Variants in ADGRL3 observed in about 807,000 individuals in gnomAD.
ADGRL3 encodes the protein adhesion G protein-coupled receptor L3.
A neutral mutation model predicts 153.5 loss-of-function variants in ADGRL3; 62 were observed. The observed-to-expected ratio is 0.40, with a 90% confidence interval of 0.33 to 0.50. ADGRL3 has a LOEUF of 0.50. Ranked by LOEUF, ADGRL3 falls within the 20% of genes least tolerant of loss-of-function variation. ADGRL3 has a pLI of 0.47. For synonymous variants in ADGRL3, 710 were observed against 672.5 expected (o/e 1.06, Z -0.86); for missense variants, 1,641 against 1,859.4 (o/e 0.88, Z 2.16).
At position 61,308,850 on chromosome 4, in the gene ADGRL3, A is replaced by C. The variant is rs370175026; in HGVS notation, c.-239-74274A>C. ...TGAAGTTAAAGAAAGAAGAAAGTGCACAATCAGCTTGACTGAACTAGTGAT... is the reference window on the plus strand; with the variant it reads ...TGAAGTTAAAGAAAGAAGAAAGTGCCCAATCAGCTTGACTGAACTAGTGAT... On this transcript the variant is annotated intron_variant, in intron 1 of 26. Coordinates refer to ENST00000683033, the MANE Select transcript of ADGRL3 (RefSeq NM_001387552.1). Among the ~76,000 whole-genome samples, 7 of 152,344 alleles carry C rather than the reference A, an allele frequency of 4.6e-5. No homozygotes were observed. The East Asian group carries it at 1.4e-3, about 29-fold the overall frequency.
Position 61,730,649 on chromosome 4 carries a change from C to A in ADGRL3, c.598+13C>A. Reference sequence around the variant, plus strand: ...GTGGAACAAAAAGGTAATTAAATACCTTTCATAAATTATATACTATTTATA... The same window carrying A: ...GTGGAACAAAAAGGTAATTAAATACATTTCATAAATTATATACTATTTATA... On this transcript the variant is annotated intron_variant, in intron 7 of 26. Coordinates refer to ENST00000683033, the MANE Select transcript of ADGRL3 (RefSeq NM_001387552.1). 1.8e-6 allele frequency: 1 copy of A among 559,322 alleles called. No homozygotes were observed. The highest frequency in any genetic ancestry group is 3.5e-5 in the South Asian group (1 of 28,720). The allele number at this position is 559,322 out of a possible 1,614,324, so 34.6% of individuals were successfully genotyped here. A position where few individuals can be genotyped will look rare whatever the true frequency, so the allele number is the denominator to read the frequency against.
intron 4 of ADGRL3, among the ~76,000 whole-genome samples, chr4:61,574,223 G>A (rs1025981853): frequency 2.6e-5 from 4 of 151,762 alleles, no homozygotes; most frequent in South Asian, 2.1e-4. Flanking sequence ...CACATTTTTC[G>A]TAAAGCAGCC....
At chr4:62,044,266 A>G (rs1330033225) in intron 24 of ADGRL3, among the ~76,000 whole-genome samples, 187 bp from the exon 25 acceptor site, 3 of 152,064 alleles carry the variant, frequency 2.0e-5, no homozygotes, top group Non-Finnish European at 4.4e-5. Flanking sequence ...GTTAATGAGA[A>G]CCATATATTA....
At chr4:61,669,933 C>T (rs1409140543) in intron 5 of ADGRL3, among the ~76,000 whole-genome samples, 4 of 152,158 alleles carry the variant, frequency 2.6e-5, no homozygotes, top group African/African-American at 9.7e-5. Flanking sequence ...CATTCATGAT[C>T]GAAGGGTTTA....
intron 3 of ADGRL3, among the ~76,000 whole-genome samples, chr4:61,503,073 A>G (rs565779661): frequency 1.6e-4 from 24 of 152,306 alleles, no homozygotes; most frequent in Admixed American, 1.3e-4. Context: ...TAAAATAGGT[A>G]TTTTGTAAGC....
chr4:61,252,342 A>C (rs1759618525), intron 1 of ADGRL3, among the ~76,000 whole-genome samples: 1 of 152,348 alleles, frequency 6.6e-6, no homozygotes, highest in South Asian at 2.1e-4. Context: ...TTCTTAACTC[A>C]GTATGTTATT....
At chr4:61,245,277 C>G (rs907128239) in intron 1 of ADGRL3, among the ~76,000 whole-genome samples, 2 of 152,052 alleles carry the variant, frequency 1.3e-5, no homozygotes, top group African/African-American at 4.8e-5. Context: ...AAATCCTTTC[C>G]CCTGTCTCCC....
At chr4:61,981,488 A>G (rs2099068192) in intron 18 of ADGRL3, among the ~76,000 whole-genome samples, 1 of 151,944 alleles carries the variant, frequency 6.6e-6, no homozygotes, top group African/African-American at 2.4e-5. Flanking sequence ...CGTTATTGCA[A>G]CCTACATTTA....
At chr4:61,479,140 G>A (rs901332441) in intron 2 of ADGRL3, among the ~76,000 whole-genome samples, 1 of 151,912 alleles carries the variant, frequency 6.6e-6, no homozygotes, top group Non-Finnish European at 1.5e-5. Flanking sequence ...AAAGTATCAG[G>A]GAGATGCCTC....
chr4:61,601,852 G>T (rs2099013280), intron 5 of ADGRL3, among the ~76,000 whole-genome samples: 1 of 152,032 alleles, frequency 6.6e-6, no homozygotes, highest in Admixed American at 6.5e-5. Flanking sequence ...ATCATTTTAA[G>T]GTCTTTCAAA....
intron 1 of ADGRL3, among the ~76,000 whole-genome samples, chr4:61,215,050 A>G (rs1741999635): frequency 6.6e-6 from 1 of 152,212 alleles, no homozygotes; most frequent in Non-Finnish European, 1.5e-5. Flanking sequence ...ATTTTCCAGT[A>G]ATGCTGGTAC....
At chr4:61,339,930 C>T (rs2095769732) in intron 1 of ADGRL3, among the ~76,000 whole-genome samples, 1 of 152,102 alleles carries the variant, frequency 6.6e-6, no homozygotes, top group Non-Finnish European at 1.5e-5. Flanking sequence ...ACTCTTCAGG[C>T]AGAGAGAAGC....
Position 61,520,652 on chromosome 4 carries a change from C to CTGTGTGTGTGTGTGTGTGTGTGTG in ADGRL3, c.259+3144_259+3167dup, listed in dbSNP as rs545112505. 2.2e-3 allele frequency among the ~76,000 whole-genome samples: 261 copies of CTGTGTGTGTGTGTGTGTGTGTGTG among 118,472 alleles called. 1 individual carries two copies. The highest frequency in any genetic ancestry group is 8.1e-3 in the Admixed American group (96 of 11,792). 77.7% of individuals were successfully genotyped at this position (118,472 alleles called of 152,430 possible). A position where few individuals can be genotyped will look rare whatever the true frequency, so the allele number is the denominator to read the frequency against. ...TAGATGAGGAGGCTTCTATAAACCT[C>CTGTGTGTGTGTGTGTGTGTGTGTG]TGTGTGTGTGTGTGTGTGTGTGTGT... On this transcript the variant is annotated intron_variant, in intron 4 of 26. Coordinates refer to ENST00000683033, the MANE Select transcript of ADGRL3 (RefSeq NM_001387552.1).
At chr4:61,819,099 T>C (rs2097721368) in intron 9 of ADGRL3, among the ~76,000 whole-genome samples, 1 of 152,148 alleles carries the variant, frequency 6.6e-6, no homozygotes, top group African/African-American at 2.4e-5. Flanking sequence ...AAATATACTG[T>C]ACACTATTGT....
chr4:61,647,091 C>T (rs896538042), intron 5 of ADGRL3, among the ~76,000 whole-genome samples: 1 of 152,124 alleles, frequency 6.6e-6, no homozygotes, highest in African/African-American at 2.4e-5. Flanking sequence ...ACTCCCTGAC[C>T]CCTTGTGCTT....
At chr4:61,209,549 A>G (rs1045590076) in intron 1 of ADGRL3, among the ~76,000 whole-genome samples, 1 of 152,072 alleles carries the variant, frequency 6.6e-6, no homozygotes, top group Non-Finnish European at 1.5e-5. Context: ...AATCAATAGC[A>G]TTTTCTTAAG....
chr4:61,748,209 G>T (rs960009111), intron 8 of ADGRL3, among the ~76,000 whole-genome samples: 1 of 152,082 alleles, frequency 6.6e-6, no homozygotes, highest in African/African-American at 2.4e-5. Context: ...AAATAAAAGA[G>T]AATACAATCA....
intron 21 of ADGRL3, among the ~76,000 whole-genome samples, chr4:62,014,508 G>A (rs778684604): frequency 1.3e-5 from 2 of 152,102 alleles, no homozygotes; most frequent in African/African-American, 2.4e-5. Flanking sequence ...TATAATTTTT[G>A]TTGCCTAAAT....
At chr4:61,367,394 C>T (rs1444446569) in intron 1 of ADGRL3, among the ~76,000 whole-genome samples, 1 of 151,848 alleles carries the variant, frequency 6.6e-6, no homozygotes, top group Non-Finnish European at 1.5e-5. Context: ...CCACTCCCCC[C>T]ACCCCACAAC....
Sources: gnomAD v4.1 joint callset for allele counts (sites outside exome capture counted in the v4.1 genomes callset) on GRCh38, gnomAD v4.1.1 for gene constraint, MANE v1.5 for transcripts, NCBI Gene and HGNC (gene_info 2026-07-23, HGNC 2026-07-21) for gene names.